Variants in SBNO2 observed in about 807,000 individuals in gnomAD.
SBNO2 encodes the protein strawberry notch homolog 2, also known as protein strawberry notch homolog 2.
SBNO2 carries 89 observed loss-of-function variants against 146.3 expected under a neutral mutation model. The ratio of observed to expected loss-of-function variants is 0.61; its 90% CI spans 0.51 to 0.73. The LOEUF is 0.73. Among genes scored for constraint, SBNO2 ranks in the 30% least tolerant of loss-of-function variants. The pLI is 0.00. For synonymous variants in SBNO2, 1,147 were observed against 892.6 expected (o/e 1.29, Z -5.08); for missense variants, 2,092 against 2,003.7 (o/e 1.04, Z -0.84).
intron 4 of SBNO2, chr19:1,132,078 A>T: frequency 1.3e-6 from 2 of 1,524,924 alleles, no homozygotes; most frequent in Non-Finnish European, 1.8e-6. Context: ...CGCCCCGGGA[A>T]GGGAGTGTTA....
chr19:1,130,903 G>A (rs1214176260), intron 4 of SBNO2, among the ~76,000 whole-genome samples: 1 of 152,166 alleles, frequency 6.6e-6, no homozygotes, highest in African/African-American at 2.4e-5. Flanking sequence ...GTCCTTCCCA[G>A]CACAGGACAC....
intron 14 of SBNO2, 101 bp from the exon 15 acceptor site, chr19:1,117,600 C>A: frequency 7.9e-7 from 1 of 1,266,956 alleles, no homozygotes. Context: ...CATCCCCACG[C>A]CAGGTGGAAT....
intron 4 of SBNO2, among the ~76,000 whole-genome samples, chr19:1,129,445 C>T (rs2145247018): frequency 6.6e-6 from 1 of 152,198 alleles, no homozygotes; most frequent in African/African-American, 2.4e-5. Flanking sequence ...AACAGAGACC[C>T]CCGGGACAGA....
At chr19:1,114,111 G>C in intron 18 of SBNO2, 120 bp downstream of exon 18, 1 of 887,654 alleles carries the variant, frequency 1.1e-6, no homozygotes, top group Admixed American at 3.4e-5. Flanking sequence ...ACCTGGGGTG[G>C]GTGGTGACCG....
At chr19:1,146,628 C>T (rs1042465382) in intron 4 of SBNO2, among the ~76,000 whole-genome samples, 12 of 151,662 alleles carry the variant, frequency 7.9e-5, no homozygotes, top group South Asian at 2.1e-4. Flanking sequence ...GTATCCGAAC[C>T]GTCCCAGGGA....
Position 1,161,705 on chromosome 19 carries a change from T to C in SBNO2, c.-126-7303A>G, listed in dbSNP as rs111303432. 1.5e-3 allele frequency among the ~76,000 whole-genome samples: 221 copies of C among 152,064 alleles called. 2 individuals are homozygous for C. The highest frequency in any genetic ancestry group is 5.1e-3 in the African/African-American group (211 of 41,470). The stretch of plus-strand genomic sequence containing the variant: ...CATACTACGCTTTCTACCTCTCCTC[T>C]TGAAATTTTCTAAAAGTTCTCAAGT... On this transcript the variant is annotated intron_variant, in intron 1 of 31. Transcript: ENST00000361757.
Position 1,108,131 on chromosome 19 carries a change from G to C in SBNO2, c.*89C>G. 6 of 1,352,936 alleles carry C rather than the reference G, an allele frequency of 4.4e-6. No individual in the cohort carries two copies. Among genetic ancestry groups the C allele is most frequent in the Non-Finnish European group, 4.9e-6 (5 of 1,027,436 alleles). 83.8% of individuals were successfully genotyped at this position (1,352,936 alleles called of 1,614,324 possible). ...AGGGCCTAGGGCTCCTCTGAGCAGTGGTCAGGGGACCTTGGCCCTGCTCCC... is the reference window on the plus strand; with the variant it reads ...AGGGCCTAGGGCTCCTCTGAGCAGTCGTCAGGGGACCTTGGCCCTGCTCCC... On this transcript the variant is annotated 3_prime_UTR_variant, in exon 32 of 32. Transcript: ENST00000361757.
Position 1,120,255 on chromosome 19 carries a change from A to C in SBNO2, c.1150-232T>G, listed in dbSNP as rs1386790501. On this transcript the variant is annotated intron_variant, in intron 11 of 31. Coordinates refer to ENST00000361757, the MANE Select transcript of SBNO2 (RefSeq NM_014963.3). Reference sequence around the variant, plus strand: ...TGTGGCCTGGGATGGCTCCTCCCAGACTCTAAACAACACACACCGAGGATG... The same window carrying C: ...TGTGGCCTGGGATGGCTCCTCCCAGCCTCTAAACAACACACACCGAGGATG... The C allele has an allele frequency of 2.0e-5, 11 of 546,686 alleles. No homozygotes were observed. In the East Asian group the frequency reaches 3.3e-4, roughly 16 times the overall value. The allele number at this position is 546,686 out of a possible 1,614,324, so 33.9% of individuals were successfully genotyped here.
At chr19:1,152,891 G>A (rs965369239) in intron 2 of SBNO2, among the ~76,000 whole-genome samples, 1 of 152,184 alleles carries the variant, frequency 6.6e-6, no homozygotes, top group Non-Finnish European at 1.5e-5. Flanking sequence ...GGTGGCTCAC[G>A]CCTGTAATCC....
At chr19:1,113,433 G>A (rs771593079) in intron 19 of SBNO2, 102 bp downstream of exon 19, 6 of 1,060,610 alleles carry the variant, frequency 5.7e-6, no homozygotes, top group Admixed American at 3.0e-5. Context: ...CGGAGACGCA[G>A]AGTGACCAGC....
rs558355030 is a variant in SBNO2 at position 1,126,620 on chromosome 19, C to T, written c.441+984G>A. On this transcript the variant is annotated intron_variant, in intron 5 of 31. Coordinates refer to ENST00000361757, the MANE Select transcript of SBNO2 (RefSeq NM_014963.3). The surrounding 1 kb of genome is among the most constrained non-coding windows in gnomAD (Gnocchi z 4.4). Reference sequence around the variant, plus strand: ...GGTGCCCTGATGCTTCCTGCCTGGGCCCCCAAGCCCGTGAGTTCTGCTGCC... The same window carrying T: ...GGTGCCCTGATGCTTCCTGCCTGGGTCCCCAAGCCCGTGAGTTCTGCTGCC... Among the ~76,000 whole-genome samples, 1 of 152,128 alleles carries T rather than the reference C, an allele frequency of 6.6e-6. No homozygotes were observed. The highest frequency in any genetic ancestry group is 6.5e-5 in the Admixed American group (1 of 15,286).
rs1246330869 is a variant in SBNO2, at chr19:1,109,449, G to A, written c.3217-26C>T. Reference sequence around the variant, plus strand: ...CTGCGGAGGGGGGCGTTGAGGCCGCGCCCCGGTCCGCCCCCCGCGGGCCCT... The same window carrying A: ...CTGCGGAGGGGGGCGTTGAGGCCGCACCCCGGTCCGCCCCCCGCGGGCCCT... On this transcript the variant is annotated intron_variant, in intron 28 of 31. Coordinates refer to ENST00000361757, the MANE Select transcript of SBNO2 (RefSeq NM_014963.3). The surrounding 1 kb of genome is among the most constrained non-coding windows in gnomAD (Gnocchi z 4.2). 15 of 1,562,764 alleles carry A rather than the reference G, an allele frequency of 9.6e-6. No homozygotes were observed. Among genetic ancestry groups the A allele is most frequent in the South Asian group, 4.7e-5 (4 of 85,346 alleles).
In SBNO2 at chr19:1,113,545, C is replaced by T. The variant is rs759816797; in HGVS notation, c.2237G>A (p.Arg746Gln). The T allele has an allele frequency of 2.4e-5, 38 of 1,596,216 alleles. No individual in the cohort carries two copies. Among genetic ancestry groups the T allele is most frequent in the Non-Finnish European group, 3.1e-5 (36 of 1,173,238 alleles). ...CCACGTCCCACCCACCTCCGCCACCCGCTGGGGGCCGCCCAGCTGGTCGAT... is the reference window on the plus strand; with the variant it reads ...CCACGTCCCACCCACCTCCGCCACCTGCTGGGGGCCGCCCAGCTGGTCGAT... The part of the protein sequence containing the change: ...ELIDQLGGPQ[R>Q]VAEMTGRKGR... The change falls in exon 19 of 32, where the codon CGG becomes CAG. Residue 746 changes from arginine to glutamine, a missense_variant. Physicochemically the swap from Arg to Gln is conservative, Grantham distance 43 (BLOSUM62 1). Transcript: ENST00000361757.
At chr19:1,143,203 T>C (rs945545580) in intron 4 of SBNO2, among the ~76,000 whole-genome samples, 5 of 151,916 alleles carry the variant, frequency 3.3e-5, no homozygotes, top group East Asian at 3.9e-4. Context: ...ACAAGCTGAA[T>C]ATGGTGGCTC....
intron 4 of SBNO2, 58 bp from the exon 5 acceptor site, chr19:1,127,823 C>A: frequency 2.6e-6 from 4 of 1,538,302 alleles, no homozygotes; most frequent in Non-Finnish European, 3.6e-6. Flanking sequence ...GGCCCCTCCA[C>A]GCACTGGAGC....
intron 4 of SBNO2, chr19:1,131,992 C>T (rs1568594763): frequency 6.9e-6 from 6 of 875,400 alleles, no homozygotes; most frequent in Admixed American, 3.7e-5. Context: ...GATGAGATGC[C>T]GGCTGCTCCG....
In SBNO2 at chr19:1,108,060, G is replaced by A; in HGVS notation, c.*160C>T. 1 of 765,744 alleles carries A rather than the reference G, an allele frequency of 1.3e-6. No homozygotes were observed. The highest frequency in any genetic ancestry group is 1.9e-6 in the Non-Finnish European group (1 of 535,958). 47.4% of individuals were successfully genotyped at this position (765,744 alleles called of 1,614,324 possible). On this transcript the variant is annotated 3_prime_UTR_variant, in exon 32 of 32. Coordinates refer to ENST00000361757, the MANE Select transcript of SBNO2 (RefSeq NM_014963.3). ...GCTGTCCTGAGTGGGCCCCGCCAGG[G>A]CTGACCAGGTGGGGGCCCGGGTCGG... is the stretch of plus-strand genomic sequence containing the variant.
intron 4 of SBNO2, chr19:1,128,399 T>G: frequency 8.4e-6 from 2 of 237,324 alleles, no homozygotes; most frequent in South Asian, 6.6e-5. Context: ...ATCATTTCAT[T>G]TTTTTTTTTT....
intron 12 of SBNO2, 57 bp from the exon 13 acceptor site, chr19:1,119,678 AGG>A (rs1448829260): frequency 1.5e-5 from 22 of 1,439,486 alleles, no homozygotes; most frequent in Non-Finnish European, 2.0e-5. Flanking sequence ...AGGCCGCGTC[AGG>A]GGACGACTAA....
Sources: gnomAD v4.1 joint callset for allele counts (sites outside exome capture counted in the v4.1 genomes callset) on GRCh38, gnomAD v4.1.1 for gene constraint, Gnocchi (gnomAD v3.1) non-coding constraint, MANE v1.5 for transcripts, NCBI Gene and HGNC (gene_info 2026-07-23, HGNC 2026-07-21) for gene names.